Variants in CALD1 observed in about 807,000 individuals in gnomAD.
The protein encoded by CALD1 is caldesmon.
Under a neutral mutation model 99.9 loss-of-function variants are expected in CALD1, and 33 were observed. That is an observed-to-expected ratio of 0.33 (90% CI 0.25 to 0.44). The LOEUF (loss-of-function observed/expected upper bound fraction) is 0.44, where lower values mean the gene tolerates loss of function less well. CALD1 is among the 20% of genes least tolerant of loss of function. CALD1 has a pLI of 1.00. For missense variants in CALD1, 861 were observed against 962.1 expected (o/e 0.89, Z 1.39); for synonymous variants, 310 against 325.0 (o/e 0.95, Z 0.50).
chr7:134,942,923 A>C (rs1806565630), intron 7 of CALD1, among the ~76,000 whole-genome samples: 2 of 152,212 alleles, frequency 1.3e-5, no homozygotes, highest in South Asian at 4.1e-4. Flanking sequence ...AATTCGAAGA[A>C]AGGAATAGTC....
chr7:134,882,605 T>G (rs1009390241), intron 3 of CALD1, among the ~76,000 whole-genome samples: 1 of 152,210 alleles, frequency 6.6e-6, no homozygotes, highest in Middle Eastern at 3.2e-3. Context: ...AATCAAAAAT[T>G]TCTCTAATGA....
intron 1 of CALD1, among the ~76,000 whole-genome samples, chr7:134,760,025 T>C: frequency 6.6e-6 from 1 of 152,042 alleles, no homozygotes; most frequent in East Asian, 1.9e-4. Flanking sequence ...ATTATGAAGA[T>C]ATGTGCAGGG....
At chr7:134,846,859 C>T (rs3800724) in intron 2 of CALD1, among the ~76,000 whole-genome samples, 6,426 of 152,298 alleles carry the variant, frequency 0.042, 143 homozygotes, top group Non-Finnish European at 0.052. Context: ...CCCATTTTCT[C>T]GAAGGTACCC....
intron 3 of CALD1, among the ~76,000 whole-genome samples, chr7:134,869,436 T>G (rs760243409): frequency 1.3e-5 from 2 of 152,140 alleles, no homozygotes; most frequent in Non-Finnish European, 2.9e-5. Context: ...ATACCAGCAC[T>G]GGAAGAGATA....
chr7:134,852,570 T>C (rs991999133), intron 2 of CALD1, among the ~76,000 whole-genome samples: 1 of 152,134 alleles, frequency 6.6e-6, no homozygotes, highest in Non-Finnish European at 1.5e-5. Context: ...GAGTCCTGAA[T>C]ACCCAACAGC....
At chr7:134,748,708 T>TACCCC (rs1562988094) in intron 1 of CALD1, among the ~76,000 whole-genome samples, 3 of 132,272 alleles carry the variant, frequency 2.3e-5, no homozygotes, top group Non-Finnish European at 4.8e-5. Flanking sequence ...TGAAACTCCA[T>TACCCC]CCCCCCGCCC....
At chr7:134,784,346 C>T (rs1379922408) in intron 1 of CALD1, among the ~76,000 whole-genome samples, 1 of 152,176 alleles carries the variant, frequency 6.6e-6, no homozygotes, top group East Asian at 1.9e-4. Flanking sequence ...TGCTGGGGAA[C>T]CAGGCTGACT....
chr7:134,826,409 T>C (rs62462554), intron 1 of CALD1, among the ~76,000 whole-genome samples: 3,764 of 152,266 alleles, frequency 0.025, 93 homozygotes, highest in South Asian at 0.13. Flanking sequence ...GCCAATCATC[T>C]TCCTGAAGCA....
At chr7:134,816,697 G>A (rs1264821169) in intron 1 of CALD1, among the ~76,000 whole-genome samples, 56 of 152,250 alleles carry the variant, frequency 3.7e-4, no homozygotes, top group Non-Finnish European at 2.9e-5. Context: ...AAAATGTAGG[G>A]AGTAAGCACA....
chr7:134,767,862 A>T (rs977608972), intron 1 of CALD1, among the ~76,000 whole-genome samples: 15 of 152,254 alleles, frequency 9.9e-5, no homozygotes, highest in Admixed American at 7.2e-4. Flanking sequence ...GACAGAACCT[A>T]ACACTAAGCC....
At chr7:134,800,415 A>T (rs1797898659) in intron 1 of CALD1, among the ~76,000 whole-genome samples, 1 of 152,078 alleles carries the variant, frequency 6.6e-6, no homozygotes, top group Non-Finnish European at 1.5e-5. Flanking sequence ...CAGTCTTCTT[A>T]TAAAATTTCT....
chr7:134,889,474 T>C (rs945228107), intron 3 of CALD1, among the ~76,000 whole-genome samples: 7 of 152,250 alleles, frequency 4.6e-5, no homozygotes, highest in African/African-American at 1.4e-4. Flanking sequence ...ATGCCTTTAA[T>C]TTCATCATAT....
intron 3 of CALD1, among the ~76,000 whole-genome samples, chr7:134,899,649 T>C (rs1011060225): frequency 1.3e-5 from 2 of 152,020 alleles, no homozygotes; most frequent in South Asian, 4.2e-4. Flanking sequence ...GTTTTTGTTT[T>C]TGTTTTTGTT....
chr7:134,810,957 G>A (rs1798330875), intron 1 of CALD1, among the ~76,000 whole-genome samples: 2 of 152,108 alleles, frequency 1.3e-5, no homozygotes, highest in Admixed American at 1.3e-4. Context: ...CATTCACTCT[G>A]TACTGATTGA....
chr7:134,823,503 G>A (rs537090334), intron 1 of CALD1, among the ~76,000 whole-genome samples: 18 of 152,162 alleles, frequency 1.2e-4, no homozygotes, highest in African/African-American at 2.6e-4. Flanking sequence ...TTTTCCCCCC[G>A]TCTTGCTATT....
chr7:134,726,502 TA>T, the CALD1 span, among the ~76,000 whole-genome samples: 935 of 131,640 alleles, frequency 7.1e-3, 58 homozygotes, highest in African/African-American at 0.029. Context: ...TAGCTTTAGA[TA>T]TATAATATAC....
rs1245314102 is a variant in CALD1, at chr7:134,857,672, T to A, written c.-41-10021T>A. On this transcript the variant is annotated intron_variant, in intron 2 of 14. Transcript: ENST00000361675. ...TATATATGCTTAAATTATATGTCTG[T>A]TACATCCAAGGGACATAGCAGATAA... is the stretch of plus-strand genomic sequence containing the variant. 2.6e-5 allele frequency among the ~76,000 whole-genome samples: 4 copies of A among 152,196 alleles called. 1 individual carries two copies. The highest frequency in any genetic ancestry group is 9.7e-5 in the African/African-American group (4 of 41,426).
chr7:134,774,147 G>A (rs1333016030), intron 1 of CALD1, among the ~76,000 whole-genome samples: 2 of 149,414 alleles, frequency 1.3e-5, no homozygotes, highest in Non-Finnish European at 3.0e-5. Context: ...TCCAGCCTGG[G>A]TGACAGAGTG....
intron 3 of CALD1, among the ~76,000 whole-genome samples, chr7:134,887,782 G>A (rs1230596128): frequency 6.7e-6 from 1 of 149,140 alleles, no homozygotes; most frequent in African/African-American, 2.5e-5. Context: ...GTATGTGTGT[G>A]CATGTGTATG....
Sources: gnomAD v4.1 joint callset for allele counts (sites outside exome capture counted in the v4.1 genomes callset) on GRCh38, gnomAD v4.1.1 for gene constraint, MANE v1.5 for transcripts, NCBI Gene and HGNC (gene_info 2026-07-23, HGNC 2026-07-21) for gene names.